STIMATE: variants seen among roughly 807,000 people sequenced by gnomAD.
STIMATE encodes the protein STIM activating enhancer, also known as store-operated calcium entry regulator STIMATE.
A neutral mutation model predicts 36.7 loss-of-function variants in STIMATE; 15 were observed. That is an observed-to-expected ratio of 0.41 (90% CI 0.27 to 0.63). STIMATE has a LOEUF of 0.63. STIMATE is among the 20% of genes least tolerant of loss of function. The probability of loss-of-function intolerance (pLI) is 0.32; values close to 1 mark genes in which losing one functional copy is unlikely to be tolerated. For synonymous variants in STIMATE, 163 were observed against 162.3 expected (o/e 1.00, Z -0.03); for missense variants, 305 against 397.3 (o/e 0.77, Z 1.98).
At chr3:52,844,522 C>T (rs1385809026) in intron 5 of STIMATE, among the ~76,000 whole-genome samples, 1 of 152,182 alleles carries the variant, frequency 6.6e-6, no homozygotes, top group Non-Finnish European at 1.5e-5. Context: ...GGATGTTTGC[C>T]GATGTAGAAA....
At chr3:52,849,693 G>C in intron 4 of STIMATE, 99 bp downstream of exon 4, 1 of 1,504,756 alleles carries the variant, frequency 6.6e-7, no homozygotes, top group South Asian at 1.3e-5. Context: ...CAGCTCCCCA[G>C]CCATTTCTGG....
At chr3:52,895,915 A>G in intron 1 of STIMATE, 1 of 1,289,846 alleles carries the variant, frequency 7.8e-7, no homozygotes, top group Non-Finnish European at 1.0e-6. Context: ...ACATGCGCCC[A>G]AGTCAGCAGC....
At chr3:52,855,553 TAC>T in intron 1 of STIMATE, 109 bp from the exon 2 acceptor site, 2 of 1,461,718 alleles carry the variant, frequency 1.4e-6, no homozygotes, top group Non-Finnish European at 1.9e-6. Context: ...ACCAAGGTAA[TAC>T]ACACACTCTT....
At chr3:52,891,276 T>G (rs1324391064) in intron 1 of STIMATE, among the ~76,000 whole-genome samples, 1 of 152,138 alleles carries the variant, frequency 6.6e-6, no homozygotes, top group African/African-American at 2.4e-5. Flanking sequence ...ACATTTCAGT[T>G]CTGCACTTAC....
In STIMATE at chr3:52,842,871, C is replaced by T. The variant is rs771329441; in HGVS notation, c.708G>A (p.Ser236=). 12 of 1,614,252 alleles carry T rather than the reference C, an allele frequency of 7.4e-6. No homozygotes were observed. The highest frequency in any genetic ancestry group is 6.7e-5 in the East Asian group (3 of 44,888). Residue 236 remains serine (S), a synonymous_variant, in exon 7 of 8, where the codon TCG becomes TCA. Coordinates refer to ENST00000355083, the MANE Select transcript of STIMATE (RefSeq NM_198563.5). ...KLEERGANQD[S]RNGSKVRYRR... ...GGTAGCGGACCTTGCTCCCATTCCT[C>T]GAGTCCTGGTTGGCTCCCCTTTCTT...
chr3:52,858,785 G>A (rs1470372571), intron 1 of STIMATE, among the ~76,000 whole-genome samples: 1 of 152,182 alleles, frequency 6.6e-6, no homozygotes, highest in Non-Finnish European at 1.5e-5. Context: ...TGTCGTAACT[G>A]AAACTGATGC....
At chr3:52,847,159 C>A (rs976571842) in intron 4 of STIMATE, 1 of 946,988 alleles carries the variant, frequency 1.1e-6, no homozygotes, top group Non-Finnish European at 1.3e-6. Context: ...ATCCTCCCCG[C>A]TTAAGCCTCC....
rs1448872955 is a variant in STIMATE, at chr3:52,837,997, T to G, written c.*2497A>C. ...TTGTGTGTGTACATGTGTGTGCACG[T>G]GCACGTGCACACACACACACAAACA... On this transcript the variant is annotated 3_prime_UTR_variant, in exon 8 of 8. Coordinates refer to ENST00000355083, the MANE Select transcript of STIMATE (RefSeq NM_198563.5). The G allele has an allele frequency of 1.6e-4, 1 of 6,302 alleles. No homozygotes were observed. Among genetic ancestry groups the G allele is most frequent in the African/African-American group, 1.9e-4 (1 of 5,282 alleles). 0.4% of individuals were successfully genotyped at this position (6,302 alleles called of 1,614,324 possible).
chr3:52,890,037 C>A (rs1396557799), intron 1 of STIMATE, among the ~76,000 whole-genome samples: 1 of 152,176 alleles, frequency 6.6e-6, no homozygotes, highest in Non-Finnish European at 1.5e-5. Flanking sequence ...CCACCCCCTC[C>A]ATGTCGAGAG....
intron 1 of STIMATE, among the ~76,000 whole-genome samples, chr3:52,864,449 A>G (rs1701268858): frequency 6.6e-6 from 1 of 151,786 alleles, no homozygotes; most frequent in Admixed American, 6.6e-5. Flanking sequence ...CCACGAAACC[A>G]TTTTCTCCTA....
At chr3:52,896,497 G>C (rs1320395629) in intron 1 of STIMATE, among the ~76,000 whole-genome samples, 1 of 152,132 alleles carries the variant, frequency 6.6e-6, no homozygotes, top group East Asian at 1.9e-4. Context: ...CATGAGAACA[G>C]GGTGGGGGCT....
chr3:52,879,898 C>T, intron 1 of STIMATE, among the ~76,000 whole-genome samples: 1 of 152,194 alleles, frequency 6.6e-6, no homozygotes, highest in African/African-American at 2.4e-5. Context: ...GCTCTGAACC[C>T]TAGCTACATG....
intron 1 of STIMATE, among the ~76,000 whole-genome samples, chr3:52,878,249 T>C (rs965228612): frequency 9.2e-5 from 14 of 151,450 alleles, no homozygotes; most frequent in African/African-American, 3.2e-4. Context: ...AGTCTGATGC[T>C]AGACACCACG....
At chr3:52,848,153 T>C (rs958609748) in intron 4 of STIMATE, 9 of 152,500 alleles carry the variant, frequency 5.9e-5, no homozygotes, top group African/African-American at 1.9e-4. Flanking sequence ...CAACAGAAAT[T>C]GATGGAAATA....
intron 1 of STIMATE, among the ~76,000 whole-genome samples, chr3:52,860,420 C>T (rs537673665): frequency 1.0e-3 from 152 of 152,018 alleles, no homozygotes; most frequent in African/African-American, 3.4e-3. Flanking sequence ...ACGAGGGTCT[C>T]GGGAAGAGCC....
At chr3:52,851,092 G>A (rs1468520216) in intron 3 of STIMATE, among the ~76,000 whole-genome samples, 1 of 152,252 alleles carries the variant, frequency 6.6e-6, no homozygotes, top group Non-Finnish European at 1.5e-5. Flanking sequence ...GGAGTGAGAG[G>A]AGGAGGCTCT....
At chr3:52,875,251 T>C (rs1223062889) in intron 1 of STIMATE, among the ~76,000 whole-genome samples, 1 of 152,196 alleles carries the variant, frequency 6.6e-6, no homozygotes, top group African/African-American at 2.4e-5. Flanking sequence ...ACCTTGACTA[T>C]AAAAAGTTTT....
intron 1 of STIMATE, among the ~76,000 whole-genome samples, chr3:52,863,960 G>C (rs1451332116): frequency 1.3e-5 from 2 of 152,244 alleles, no homozygotes; most frequent in African/African-American, 4.8e-5. Flanking sequence ...GCAGGGTACA[G>C]CCTCCCTCCC....
At chr3:52,870,075 G>A (rs180776793) in intron 1 of STIMATE, among the ~76,000 whole-genome samples, 110 of 152,304 alleles carry the variant, frequency 7.2e-4, no homozygotes, top group African/African-American at 2.5e-3. Flanking sequence ...CAGGAAACAA[G>A]AAAGCACACA....
Sources: gnomAD v4.1 joint callset for allele counts (sites outside exome capture counted in the v4.1 genomes callset) on GRCh38, gnomAD v4.1.1 for gene constraint, MANE v1.5 for transcripts, NCBI Gene and HGNC (gene_info 2026-07-23, HGNC 2026-07-21) for gene names.